Variants in CFAP100 observed in about 807,000 individuals in gnomAD.
CFAP100 encodes the protein cilia- and flagella-associated protein 100.
CFAP100 carries 70 observed loss-of-function variants against 81.5 expected under a neutral mutation model. The observed-to-expected ratio is 0.86, with a 90% CI of 0.71 to 1.05. The LOEUF is 1.05. Among genes scored for constraint, CFAP100 ranks in the 50% least tolerant of loss-of-function variants. CFAP100 has a pLI of 0.00. For missense variants in CFAP100, 811 were observed against 776.5 expected (o/e 1.04, Z -0.53); for synonymous variants, 341 against 314.8 (o/e 1.08, Z -0.88).
intron 15 of CFAP100, chr3:126,434,635 A>G (rs1457928250): frequency 6.3e-6 from 3 of 476,412 alleles, no homozygotes; most frequent in African/African-American, 3.9e-5. Context: ...GACAGGGTCT[A>G]GAAGATAGAA....
intron 2 of CFAP100, among the ~76,000 whole-genome samples, chr3:126,399,230 G>C (rs1258351310): frequency 1.3e-5 from 2 of 152,090 alleles, no homozygotes; most frequent in Non-Finnish European, 2.9e-5. Context: ...GTTGCTTACT[G>C]TCTCACTCCC....
At chr3:126,418,043 G>GATCATTAAAAAA in intron 5 of CFAP100, 4 of 182,776 alleles carry the variant, frequency 2.2e-5, no homozygotes, top group South Asian at 1.2e-4. Context: ...TTGCTCGGGG[G>GATCATTAAAAAA]GCTTAGGTGC....
At chr3:126,434,452 C>T in intron 15 of CFAP100, 71 bp downstream of exon 15, 1 of 1,469,016 alleles carries the variant, frequency 6.8e-7, no homozygotes, top group Non-Finnish European at 9.3e-7. Context: ...ACATACAGGC[C>T]CCACCCTCAA....
intron 13 of CFAP100, among the ~76,000 whole-genome samples, chr3:126,424,483 G>C (rs1454798374): frequency 3.3e-5 from 5 of 152,228 alleles, no homozygotes; most frequent in African/African-American, 1.2e-4. Flanking sequence ...CTCCTGCTGG[G>C]TGTGGCCACT....
rs200815085 is a variant in CFAP100 at position 126,423,592 on chromosome 3, G to A, written c.1234G>A (p.Glu412Lys). ...LSLIQNSQET[E>K]KTLEELSHTL... ...GCTGATCCAGAACAGCCAGGAGACG[G>A]AGAAGACCCTGGAGGAGCTGAGCCA... The change falls in exon 13 of 17, where the codon GAG becomes AAG. Residue 412 changes from glutamate (E) to lysine (K), a missense_variant. Coordinates refer to ENST00000352312, the MANE Select transcript of CFAP100 (RefSeq NM_182628.3). The A allele has an allele frequency of 7.2e-6, 9 of 1,254,758 alleles. No homozygotes were observed. The Admixed American group carries it at 7.4e-5, about 10-fold the overall frequency. 77.7% of individuals were successfully genotyped at this position (1,254,758 alleles called of 1,614,324 possible).
chr3:126,403,383 CTTTT>C (rs10707460), intron 2 of CFAP100, among the ~76,000 whole-genome samples: 12 of 117,616 alleles, frequency 1.0e-4, no homozygotes, highest in Non-Finnish European at 8.7e-5. Context: ...TGTATTTTAT[CTTTT>C]TTTTTTTTTT....
intron 14 of CFAP100, 190 bp from the exon 15 acceptor site, chr3:126,433,986 G>T: frequency 1.7e-6 from 1 of 575,822 alleles, no homozygotes; most frequent in Non-Finnish European, 3.1e-6. Flanking sequence ...CAGGGGGCCC[G>T]GGGGATAGGC....
intron 13 of CFAP100, among the ~76,000 whole-genome samples, chr3:126,428,696 G>T (rs1480498459): frequency 6.6e-6 from 1 of 152,084 alleles, no homozygotes; most frequent in African/African-American, 2.4e-5. Flanking sequence ...ACGTTCATAG[G>T]GGATATTGGC....
Position 126,416,444 on chromosome 3 carries a change from CGCCGAG to C in CFAP100, c.361_366del (p.Ala121_Glu122del), listed in dbSNP as rs780026689. ...ACAAGCAGGAGGACCTGGAGGCGCG[CGCCGAG>C]GCCGAGCATCAGCGCGCCTTCCGCG... On this transcript the variant is annotated inframe_deletion, in exon 5 of 17. Coordinates refer to ENST00000352312, the MANE Select transcript of CFAP100 (RefSeq NM_182628.3). The C allele has an allele frequency of 1.4e-5, 23 of 1,610,468 alleles. No individual in the cohort carries two copies. The South Asian group carries it at 2.5e-4, about 18-fold the overall frequency.
intron 3 of CFAP100, among the ~76,000 whole-genome samples, chr3:126,409,453 C>A (rs2083120845): frequency 6.6e-6 from 1 of 152,302 alleles, no homozygotes; most frequent in East Asian, 1.9e-4. Context: ...GACATAAGCA[C>A]TTGCGTCTCC....
At chr3:126,405,321 C>T (rs911968573) in intron 2 of CFAP100, among the ~76,000 whole-genome samples, 16 of 152,166 alleles carry the variant, frequency 1.1e-4, no homozygotes, top group Non-Finnish European at 2.1e-4. Flanking sequence ...TAGTGAAAAA[C>T]CAAGGGCATA....
chr3:126,407,577 G>T (rs555069591), intron 3 of CFAP100, among the ~76,000 whole-genome samples: 13,715 of 152,156 alleles, frequency 0.09, 716 homozygotes, highest in African/African-American at 0.15. Flanking sequence ...CCACAATTAG[G>T]GCTTTCATGC....
chr3:126,400,679 G>C (rs1339288027), intron 2 of CFAP100, among the ~76,000 whole-genome samples: 1 of 152,096 alleles, frequency 6.6e-6, no homozygotes, highest in African/African-American at 2.4e-5. Context: ...GTGAACCCGG[G>C]AGGCGGAGCT....
chr3:126,423,636 G>T lies in CFAP100; in HGVS notation c.1278G>T (p.Gln426His), dbSNP rs201274785. 1.2e-4 allele frequency: 198 copies of T among 1,614,226 alleles called. No individual in the cohort carries two copies. In the East Asian group the frequency reaches 4.2e-3, roughly 34 times the overall value. Reference protein sequence around the residue: ...EELSHTLKHTQIRMDREVNQL... With the variant: ...EELSHTLKHTHIRMDREVNQL... Reference sequence around the variant, plus strand: ...TGAGCCACACCCTGAAACACACCCAGATCCGCATGTAGGTGCTATGCGGTG... The same window carrying T: ...TGAGCCACACCCTGAAACACACCCATATCCGCATGTAGGTGCTATGCGGTG... Residue 426 changes from glutamine (Q) to histidine (H), a missense_variant, in exon 13 of 17, where the codon CAG becomes CAT. Transcript: ENST00000352312.
At chr3:126,414,510 C>T (rs982184637) in intron 4 of CFAP100, among the ~76,000 whole-genome samples, 3 of 152,198 alleles carry the variant, frequency 2.0e-5, no homozygotes, top group Admixed American at 6.5e-5. Flanking sequence ...TGACACTCTC[C>T]GGGTCCTCCA....
At chr3:126,434,425 C>T in intron 15 of CFAP100, 44 bp downstream of exon 15, 1 of 1,578,586 alleles carries the variant, frequency 6.3e-7, no homozygotes, top group Non-Finnish European at 8.6e-7. Flanking sequence ...TCCTGGCTGG[C>T]CCTGAGGGCA....
At position 126,418,580 on chromosome 3, in the gene CFAP100, G is replaced by A. The variant is rs780931507; in HGVS notation, c.487-31G>A. ...TGCCAGCAGTGGCTGGCCCGGGCCA[G>A]GCACCATGACCCCACTCTGCTGGCC... On this transcript the variant is annotated intron_variant, in intron 6 of 16. Coordinates refer to ENST00000352312, the MANE Select transcript of CFAP100 (RefSeq NM_182628.3). 3.1e-6 allele frequency: 5 copies of A among 1,613,048 alleles called. No homozygotes were observed. In the Admixed American group the frequency reaches 8.3e-5, roughly 27 times the overall value.
intron 3 of CFAP100, among the ~76,000 whole-genome samples, chr3:126,410,315 T>C (rs1440949108): frequency 6.6e-6 from 1 of 152,242 alleles, no homozygotes; most frequent in African/African-American, 2.4e-5. Context: ...AAGGTCATGA[T>C]ATCCTCTGAT....
intron 3 of CFAP100, among the ~76,000 whole-genome samples, chr3:126,408,727 C>T (rs902747686): frequency 1.3e-5 from 2 of 152,124 alleles, no homozygotes; most frequent in Non-Finnish European, 1.5e-5. Context: ...GTCCTGGGGG[C>T]GAGCACCTGA....
Sources: gnomAD v4.1 joint callset for allele counts (sites outside exome capture counted in the v4.1 genomes callset) on GRCh38, gnomAD v4.1.1 for gene constraint, MANE v1.5 for transcripts, NCBI Gene and HGNC (gene_info 2026-07-23, HGNC 2026-07-21) for gene names.